The following ACTR3C variants were observed in gnomAD, a reference collection of about 807,000 sequenced individuals.
ACTR3C encodes the protein actin related protein 3C.
In ACTR3C, 18 loss-of-function variants were observed where a neutral mutation model predicts 26.3. The ratio of observed to expected loss-of-function variants is 0.68; its 90% CI spans 0.47 to 1.01. The LOEUF (loss-of-function observed/expected upper bound fraction) is 1.01, where lower values mean the gene tolerates loss of function less well. Among genes scored for constraint, ACTR3C ranks in the 50% least tolerant of loss-of-function variants. The pLI is 0.00. For missense variants in ACTR3C, 184 were observed against 250.7 expected, an observed-to-expected ratio of 0.73 and a Z score of 1.80; for synonymous variants, 55 against 94.5, an observed-to-expected ratio of 0.58 and a Z score of 2.42.
chr7:150,065,871 G>A, the ACTR3C span, among the ~76,000 whole-genome samples: 1 of 150,148 alleles, frequency 6.7e-6, no homozygotes, highest in Admixed American at 6.7e-5. Context: ...TGAAACAAAA[G>A]CAAGCTTTGA....
chr7:150,146,404 C>T, the ACTR3C span, among the ~76,000 whole-genome samples: 2 of 152,292 alleles, frequency 1.3e-5, no homozygotes, highest in Non-Finnish European at 2.9e-5. Context: ...CCACTAACTT[C>T]CACAATCAAT....
At chr7:150,135,325 G>A in the ACTR3C span, among the ~76,000 whole-genome samples, 1 of 152,232 alleles carries the variant, frequency 6.6e-6, no homozygotes, top group Admixed American at 6.5e-5. Context: ...GGAGAATGGT[G>A]TCATTTTCAA....
chr7:149,931,041 T>A, the ACTR3C span, among the ~76,000 whole-genome samples: 1 of 152,236 alleles, frequency 6.6e-6, no homozygotes, highest in African/African-American at 2.4e-5. Flanking sequence ...AATTTTTGTA[T>A]TTTTAGTAGA....
chr7:149,896,207 A>G, the ACTR3C span, among the ~76,000 whole-genome samples: 216 of 152,368 alleles, frequency 1.4e-3, no homozygotes, highest in Non-Finnish European at 2.6e-3. Context: ...CAAAGAAAAA[A>G]CAGTTTCTGA....
At chr7:149,997,917 A>G in the ACTR3C span, among the ~76,000 whole-genome samples, 1 of 149,882 alleles carries the variant, frequency 6.7e-6, no homozygotes, top group South Asian at 2.2e-4. Flanking sequence ...TATTTGTTTT[A>G]TTTATACAGA....
the ACTR3C span, among the ~76,000 whole-genome samples, chr7:149,985,359 T>A: frequency 6.6e-6 from 1 of 152,006 alleles, no homozygotes; most frequent in African/African-American, 2.4e-5. Context: ...AAATCATGAT[T>A]TACTCTCACA....
chr7:150,169,263 G>A, the ACTR3C span, among the ~76,000 whole-genome samples: 1 of 149,956 alleles, frequency 6.7e-6, no homozygotes, highest in Non-Finnish European at 1.5e-5. Flanking sequence ...GGCACCTGTA[G>A]TTACAGCTAC....
chr7:150,018,296 G>A, the ACTR3C span, among the ~76,000 whole-genome samples: 56 of 146,234 alleles, frequency 3.8e-4, 1 homozygote, highest in Non-Finnish European at 5.2e-4. Context: ...CACCCACCTC[G>A]GCCTCCCAAA....
chr7:150,291,589 G>T (rs963985756), intron 3 of ACTR3C, among the ~76,000 whole-genome samples: 1 of 152,176 alleles, frequency 6.6e-6, no homozygotes, highest in East Asian at 1.9e-4. Context: ...ACTGAACTAA[G>T]ATACGATTAA....
the ACTR3C span, among the ~76,000 whole-genome samples, chr7:150,069,305 C>T: frequency 6.6e-6 from 1 of 152,108 alleles, no homozygotes; most frequent in South Asian, 2.1e-4. Flanking sequence ...GCCCCTGGGA[C>T]CCCACGTTAA....
At chr7:150,270,966 C>G (rs1834406029) in intron 6 of ACTR3C, among the ~76,000 whole-genome samples, 1 of 151,934 alleles carries the variant, frequency 6.6e-6, no homozygotes, top group Non-Finnish European at 1.5e-5. Context: ...CAACAACAAC[C>G]CTCTTATAAT....
chr7:150,318,205 T>C (rs1403329352), intron 1 of ACTR3C, among the ~76,000 whole-genome samples: 2 of 152,150 alleles, frequency 1.3e-5, no homozygotes, highest in Non-Finnish European at 2.9e-5. Flanking sequence ...TTGGATAATG[T>C]TCTTGTTTTG....
chr7:150,284,276 C>T (rs1835579796), intron 6 of ACTR3C, among the ~76,000 whole-genome samples: 1 of 152,176 alleles, frequency 6.6e-6, no homozygotes, highest in African/African-American at 2.4e-5. Flanking sequence ...CATGGTGGCT[C>T]ATGTCTGTAA....
chr7:150,019,629 T>A, the ACTR3C span, among the ~76,000 whole-genome samples: 1 of 147,168 alleles, frequency 6.8e-6, no homozygotes, highest in Admixed American at 6.9e-5. Flanking sequence ...ATAATAATAA[T>A]AATAAAATCT....
At chr7:150,007,420 A>T in the ACTR3C span, among the ~76,000 whole-genome samples, 1 of 152,258 alleles carries the variant, frequency 6.6e-6, no homozygotes, top group Non-Finnish European at 1.5e-5. Context: ...CTAAAGGTGG[A>T]CAGGGCTTAG....
At chr7:149,996,578 T>TA in the ACTR3C span, among the ~76,000 whole-genome samples, 14,388 of 149,894 alleles carry the variant, frequency 0.096, 274 homozygotes, top group Non-Finnish European at 0.12. Flanking sequence ...GCAGTTCTGG[T>TA]AAAAAAATAA....
chr7:150,312,720 G>A (rs188376989), intron 1 of ACTR3C, among the ~76,000 whole-genome samples: 14 of 152,250 alleles, frequency 9.2e-5, no homozygotes, highest in Non-Finnish European at 1.6e-4. Flanking sequence ...AAGCAGTCCT[G>A]AGAAACATCG....
the ACTR3C span, among the ~76,000 whole-genome samples, chr7:149,996,375 GAA>G: frequency 2.0e-5 from 3 of 150,418 alleles, no homozygotes; most frequent in Non-Finnish European, 4.4e-5. Context: ...GAATCATCCA[GAA>G]AAGTCTGTTG....
chr7:150,218,532 GA>G, the ACTR3C span, among the ~76,000 whole-genome samples: 3 of 148,922 alleles, frequency 2.0e-5, no homozygotes, highest in Non-Finnish European at 4.5e-5. Flanking sequence ...CATATTATTG[GA>G]ACTTAATAGG....
Sources: allele counts gnomAD v4.1 joint callset (sites outside exome capture counted in the v4.1 genomes callset), GRCh38; gene constraint gnomAD v4.1.1; transcripts MANE v1.5; gene names NCBI Gene and HGNC (gene_info 2026-07-23, HGNC 2026-07-21).